Variants in SF3B5 observed in about 807,000 individuals in gnomAD.
SF3B5 encodes splicing factor 3b subunit 5.
A neutral mutation model predicts 7.0 loss-of-function variants in SF3B5; 3 were observed. The ratio of observed to expected loss-of-function variants is 0.43; its 90% CI spans 0.19 to 1.10. SF3B5 has a LOEUF of 1.10. SF3B5 is among the 50% of genes least tolerant of loss of function. The pLI is 0.29. For missense variants in SF3B5, 73 were observed against 113.6 expected, an observed-to-expected ratio of 0.64 and a Z score of 1.63; for synonymous variants, 51 against 44.8, an observed-to-expected ratio of 1.14 and a Z score of -0.55.
In SF3B5 at chr6:144,095,403, A is replaced by T; in HGVS notation, c.95T>A (p.Leu32Gln). The T allele has an allele frequency of 6.2e-7, 1 of 1,614,244 alleles. No homozygotes were observed. The highest frequency in any genetic ancestry group is 8.5e-7 in the Non-Finnish European group (1 of 1,180,042). Reference sequence around the variant, plus strand: ...GTACGAGTCGCGGTGTTGGTTCACCAGCCACTCCCACTTGGTGGTGTCGGC... The same window carrying T: ...GTACGAGTCGCGGTGTTGGTTCACCTGCCACTCCCACTTGGTGGTGTCGGC... ...GHADTTKWEW[L>Q]VNQHRDSYCS... Residue 32 changes from leucine to glutamine, a missense_variant, in exon 1 of 1, where the codon CTG (leucine) becomes CAG (glutamine). Transcript: ENST00000367569. This position sits in a 1 kb window ranked among gnomAD's most constrained non-coding sequence, Gnocchi z 4.3.
rs781652984 is a variant in SF3B5 at position 144,095,347 on chromosome 6, T to C, written c.151A>G (p.Asn51Asp). 2.8e-5 allele frequency: 46 copies of C among 1,614,116 alleles called. No homozygotes were observed. The highest frequency in any genetic ancestry group is 3.4e-5 in the Non-Finnish European group (40 of 1,180,056). The stretch of plus-strand genomic sequence containing the variant: ...TCATTCTCCGCAATGGCGAAGTAGT[T>C]GAGAAGGTCGAAGTGGCCCATGTAG... Reference protein sequence around the residue: ...CSYMGHFDLLNYFAIAENESK... With the variant: ...CSYMGHFDLLDYFAIAENESK... Residue 51 changes from asparagine (N) to aspartate (D), a missense_variant, in exon 1 of 1, where the codon AAC becomes GAC. Physicochemically the swap from Asn to Asp is conservative, Grantham distance 23. Coordinates refer to ENST00000367569, the MANE Select transcript of SF3B5 (RefSeq NM_031287.3). This position sits in a 1 kb window ranked among gnomAD's most constrained non-coding sequence, Gnocchi z 4.3.
chr6:144,095,230 CAG>C lies in SF3B5; in HGVS notation c.*5_*6del, dbSNP rs1461911527. ...GGTGCCCCGCACTGCGGTGGTAAGG[CAG>C]AGTCTCAGTTCTCCTCGGGCTTGTC... is the stretch of plus-strand genomic sequence containing the variant. On this transcript the variant is annotated 3_prime_UTR_variant, in exon 1 of 1. Transcript: ENST00000367569. The surrounding 1 kb of genome is among the most constrained non-coding windows in gnomAD (Gnocchi z 4.3). 6.2e-7 allele frequency: 1 copy of C among 1,613,886 alleles called. No individual in the cohort carries two copies.
At position 144,095,550 on chromosome 6, in the gene SF3B5, C is replaced by T; in HGVS notation, c.-53G>A. ...TCAGAGGACGCAGGTAACAACTCGC[C>T]GCTCTAGCGTTTTACAGGAGAGTGA... On this transcript the variant is annotated 5_prime_UTR_variant, in exon 1 of 1. Coordinates refer to ENST00000367569, the MANE Select transcript of SF3B5 (RefSeq NM_031287.3). The surrounding 1 kb of genome is among the most constrained non-coding windows in gnomAD (Gnocchi z 4.3). 2 of 1,602,444 alleles carry T rather than the reference C, an allele frequency of 1.2e-6. No homozygotes were observed. Among genetic ancestry groups the T allele is most frequent in the Non-Finnish European group, 1.7e-6 (2 of 1,172,240 alleles).
Sources: allele counts gnomAD v4.1 joint callset, GRCh38; gene constraint gnomAD v4.1.1; non-coding constraint Gnocchi (gnomAD v3.1); transcripts MANE v1.5; gene names NCBI Gene and HGNC (gene_info 2026-07-23, HGNC 2026-07-21).